The following SERPINB2 variants were observed in gnomAD, a reference collection of about 807,000 sequenced individuals.
SERPINB2 encodes the protein serpin family B member 2.
SERPINB2 carries 28 observed loss-of-function variants against 39.4 expected under a neutral mutation model. The observed-to-expected ratio is 0.71, with a 90% confidence interval of 0.53 to 0.97. The LOEUF is 0.97. SERPINB2 is among the 50% of genes least tolerant of loss of function. The pLI is 0.00. For missense variants in SERPINB2, 557 were observed against 505.3 expected (o/e 1.10, Z -0.98); for synonymous variants, 209 against 175.1 (o/e 1.19, Z -1.53).
chr18:63,895,597 G>A (rs986153335), intron 3 of SERPINB2, among the ~76,000 whole-genome samples: 1 of 152,178 alleles, frequency 6.6e-6, no homozygotes, highest in Admixed American at 6.5e-5. Flanking sequence ...ATGAGTTTTA[G>A]GCCAAGCCTA....
At position 63,902,912 on chromosome 18, in the gene SERPINB2, A is replaced by G. The variant is rs1473607822; in HGVS notation, c.855A>G (p.Glu285=). 6.3e-7 allele frequency: 1 copy of G among 1,596,452 alleles called. No individual in the cohort carries two copies. Among genetic ancestry groups the G allele is most frequent in the Non-Finnish European group, 8.5e-7 (1 of 1,170,554 alleles). ...VSTGLELLES[E]ITYDKLNKWT... ...GTTTTGCTTTGCAGCTGGAAAGTGA[A>G]ATAACCTATGACAAACTCAACAAGT... Residue 285 remains glutamate, a synonymous_variant, in exon 8 of 8, where the codon GAA becomes GAG. Transcript: ENST00000299502.
chr18:63,903,168 G>T lies in SERPINB2; in HGVS notation c.1111G>T (p.Ala371Ser), dbSNP rs139893427. 2 of 1,613,648 alleles carry T rather than the reference G, an allele frequency of 1.2e-6. No individual in the cohort carries two copies. The highest frequency in any genetic ancestry group is 1.7e-6 in the Non-Finnish European group (2 of 1,179,726). ...DVNEEGTEAA[A>S]GTGGVMTGRT... ...GAATGAGGAGGGCACTGAAGCAGCC[G>T]CTGGCACAGGAGGTGTTATGACAGG... The change falls in exon 8 of 8, where the codon GCT becomes TCT. Residue 371 changes from alanine to serine, a missense_variant. By Grantham distance (99) the Ala-to-Ser change is moderately conservative. Transcript: ENST00000299502.
At chr18:63,891,854 C>A (rs919112) in intron 2 of SERPINB2, among the ~76,000 whole-genome samples, 40,261 of 152,306 alleles carry the variant, frequency 0.26, 5,786 homozygotes, top group East Asian at 0.48. Flanking sequence ...CAAGGCTGGA[C>A]ACAGTTATGA....
At chr18:63,900,014 CA>C (rs2144705003) in intron 5 of SERPINB2, among the ~76,000 whole-genome samples, 1 of 152,150 alleles carries the variant, frequency 6.6e-6, no homozygotes, top group South Asian at 2.1e-4. Flanking sequence ...ATCAAAAGTT[CA>C]AGTAAAAATG....
chr18:63,891,728 G>C (rs1221494054), intron 2 of SERPINB2, 116 bp downstream of exon 2: 4 of 1,015,076 alleles, frequency 3.9e-6, no homozygotes, highest in Non-Finnish European at 4.2e-6. Flanking sequence ...ATCATCACAG[G>C]TAATGAAGCA....
At position 63,901,777 on chromosome 18, in the gene SERPINB2, T is replaced by C. The variant is rs765194511; in HGVS notation, c.573T>C (p.Asp191=). Residue 191 remains aspartate, a synonymous_variant, in exon 6 of 8, where the codon GAT becomes GAC. Transcript: ENST00000299502. ...ACTTGTTACCTGAAGGTTCTGTAGA[T>C]GGGGATACCAGGATGGTCCTGGTGA... ...IPNLLPEGSV[D]GDTRMVLVNA... is the part of the protein sequence containing the mutation. 1 of 1,581,440 alleles carries C rather than the reference T, an allele frequency of 6.3e-7. No individual in the cohort carries two copies. Among genetic ancestry groups the C allele is most frequent in the South Asian group, 1.2e-5 (1 of 83,492 alleles).
In SERPINB2 at chr18:63,895,368, T is replaced by C; in HGVS notation, c.273T>C (p.Pro91=). Residue 91 remains proline (P), a synonymous_variant, in exon 3 of 8, where the codon CCT becomes CCC. Coordinates refer to ENST00000299502, the MANE Select transcript of SERPINB2 (RefSeq NM_002575.3). ...AGCAGATCCAGAAGGGTAGTTATCC[T>C]GATGCGATTTTGCAGGTATCTGACT... is the stretch of plus-strand genomic sequence containing the variant. ...FMQQIQKGSY[P]DAILQAQAAD... 6.2e-7 allele frequency: 1 copy of C among 1,614,064 alleles called. No individual in the cohort carries two copies. Among genetic ancestry groups the C allele is most frequent in the South Asian group, 1.1e-5 (1 of 91,054 alleles).
Position 63,897,280 on chromosome 18 carries a change from A to T in SERPINB2, c.417+61A>T. The T allele has an allele frequency of 1.9e-6, 3 of 1,567,130 alleles. No homozygotes were observed. In the South Asian group the frequency reaches 3.6e-5, roughly 19 times the overall value. ...AAACAAGTAATGAAGTCACTTTCAAAGCAGTTCTCTACAATTCAACAGTTC... is the reference window on the plus strand; with the variant it reads ...AAACAAGTAATGAAGTCACTTTCAATGCAGTTCTCTACAATTCAACAGTTC... On this transcript the variant is annotated intron_variant, in intron 4 of 7. Coordinates refer to ENST00000299502, the MANE Select transcript of SERPINB2 (RefSeq NM_002575.3).
rs896732651 is a variant in SERPINB2, at chr18:63,899,872, T to C, written c.536-1868T>C. Among the ~76,000 whole-genome samples, 24 of 152,334 alleles carry C rather than the reference T, an allele frequency of 1.6e-4. No homozygotes were observed. In the South Asian group the frequency reaches 3.9e-3, roughly 25 times the overall value. ...CTAAGTGCTATGGGATTTCAAAAAA[T>C]ATATATTTATTTGTTTATCTGAAAA... On this transcript the variant is annotated intron_variant, in intron 5 of 7. Transcript: ENST00000299502.
intron 3 of SERPINB2, among the ~76,000 whole-genome samples, chr18:63,896,803 GT>G (rs1331446866): frequency 6.6e-6 from 1 of 152,196 alleles, no homozygotes; most frequent in East Asian, 1.9e-4. Flanking sequence ...AGACTTTGAA[GT>G]TTAGGAAACT....
intron 2 of SERPINB2, among the ~76,000 whole-genome samples, chr18:63,894,130 A>T (rs1439344580): frequency 1.3e-5 from 2 of 152,120 alleles, no homozygotes; most frequent in East Asian, 1.9e-4. Context: ...TTTTGCAGGG[A>T]CATCTCCCTG....
chr18:63,892,610 C>T (rs2049933937), intron 2 of SERPINB2: 1 of 152,168 alleles, frequency 6.6e-6, no homozygotes, highest in Non-Finnish European at 1.5e-5. Context: ...CAGTTTCCCA[C>T]GAGAATGTAC....
Position 63,901,899 on chromosome 18 carries a change from T to TA in SERPINB2, c.678+18dup, listed in dbSNP as rs1208760142. 3 of 1,590,156 alleles carry TA rather than the reference T, an allele frequency of 1.9e-6. No individual in the cohort carries two copies. Among genetic ancestry groups the TA allele is most frequent in the Admixed American group, 3.8e-5 (2 of 52,910 alleles). ...GTAAACTCGGTATGAGACAACAAAA[T>TA]ACATCTTCCTAGCATATATTTTAGG... On this transcript the variant is annotated intron_variant, in intron 6 of 7. Transcript: ENST00000299502.
At chr18:63,895,469 A>C in intron 3 of SERPINB2, 86 bp downstream of exon 3, 2 of 1,507,154 alleles carry the variant, frequency 1.3e-6, no homozygotes, top group East Asian at 4.5e-5. Context: ...ACTGGGAAGG[A>C]AGCGAATATA....
chr18:63,888,788 C>T (rs1004290074), intron 1 of SERPINB2, among the ~76,000 whole-genome samples: 2 of 152,114 alleles, frequency 1.3e-5, no homozygotes, highest in Non-Finnish European at 2.9e-5. Flanking sequence ...ACTATTAAAC[C>T]TTAATTAAGA....
At chr18:63,899,759 T>G (rs1263450274) in intron 5 of SERPINB2, among the ~76,000 whole-genome samples, 1 of 152,238 alleles carries the variant, frequency 6.6e-6, no homozygotes, top group African/African-American at 2.4e-5. Context: ...TTAAGGATTT[T>G]CATTTAACTC....
Position 63,897,602 on chromosome 18 carries a change from G to A in SERPINB2, c.418-125G>A, listed in dbSNP as rs189473784. ...CCCCCTTCAGCACCTGCCTTCCATA[G>A]CCAACCTCCACTCCCACCCTACCCC... is the stretch of plus-strand genomic sequence containing the variant. On this transcript the variant is annotated intron_variant, in intron 4 of 7. Transcript: ENST00000299502. The A allele has an allele frequency of 3.7e-4, 287 of 785,160 alleles. No individual in the cohort carries two copies. In the African/African-American group the frequency reaches 3.9e-3, roughly 11 times the overall value. The allele number at this position is 785,160 out of a possible 1,614,324, so 48.6% of individuals were successfully genotyped here.
At chr18:63,902,637 T>C (rs1324137261) in intron 7 of SERPINB2, 69 bp downstream of exon 7, 24 of 1,334,248 alleles carry the variant, frequency 1.8e-5, no homozygotes, top group Admixed American at 4.4e-5. Context: ...GAATATATAC[T>C]CCTTACAAAT....
intron 6 of SERPINB2, among the ~76,000 whole-genome samples, 176 bp downstream of exon 6, chr18:63,902,058 A>G (rs971218804): frequency 6.6e-6 from 1 of 152,184 alleles, no homozygotes. Context: ...TGGCTTTTTA[A>G]TTATACATGC....
Sources: allele counts gnomAD v4.1 joint callset (sites outside exome capture counted in the v4.1 genomes callset), GRCh38; gene constraint gnomAD v4.1.1; transcripts MANE v1.5; gene names NCBI Gene and HGNC (gene_info 2026-07-23, HGNC 2026-07-21).